DENND2B: variants seen among roughly 807,000 people sequenced by gnomAD.
DENND2B encodes the protein DENN domain containing 2B, also known as DENN domain-containing protein 2B.
A neutral mutation model predicts 116.0 loss-of-function variants in DENND2B; 32 were observed. That is an observed-to-expected ratio of 0.28 (90% CI 0.21 to 0.37). The LOEUF (loss-of-function observed/expected upper bound fraction) is 0.37, where lower values mean the gene tolerates loss of function less well. Among genes scored for constraint, DENND2B ranks in the 10% least tolerant of loss-of-function variants. The probability of loss-of-function intolerance (pLI) is 1.00; values close to 1 mark genes in which losing one functional copy is unlikely to be tolerated. For missense variants in DENND2B, 1,276 were observed against 1,477.7 expected (o/e 0.86, Z 2.24); for synonymous variants, 588 against 583.9 (o/e 1.01, Z -0.10).
At chr11:8,699,081 C>T (rs994386160) in intron 15 of DENND2B, 107 bp from the exon 16 acceptor site, 3 of 1,548,634 alleles carry the variant, frequency 1.9e-6, no homozygotes, top group Non-Finnish European at 2.6e-6. Flanking sequence ...ACAGGAAGTA[C>T]TCCAGCCGGG....
intron 4 of DENND2B, among the ~76,000 whole-genome samples, chr11:8,834,795 C>G (rs889213555): frequency 3.9e-5 from 6 of 152,296 alleles, no homozygotes; most frequent in African/African-American, 1.4e-4. Flanking sequence ...AGGTTGAAGA[C>G]AGTTTTCCAC....
intron 5 of DENND2B, among the ~76,000 whole-genome samples, chr11:8,716,428 G>A (rs2044803299): frequency 6.6e-6 from 1 of 152,126 alleles, no homozygotes; most frequent in East Asian, 1.9e-4. Context: ...CTCCATATGC[G>A]CTGACCTCTC....
At chr11:8,870,377 A>G (rs1317662914) in intron 2 of DENND2B, among the ~76,000 whole-genome samples, 1 of 152,192 alleles carries the variant, frequency 6.6e-6, no homozygotes, top group Non-Finnish European at 1.5e-5. Flanking sequence ...TTTAATACTT[A>G]GTGCGTGTCT....
chr11:8,707,350 G>T lies in DENND2B; in HGVS notation c.2431-125C>A. 1.5e-6 allele frequency: 2 copies of T among 1,300,232 alleles called. No individual in the cohort carries two copies. The highest frequency in any genetic ancestry group is 2.1e-6 in the Non-Finnish European group (2 of 964,988). The allele number at this position is 1,300,232 out of a possible 1,614,324, so 80.5% of individuals were successfully genotyped here. ...CCCAGAAGCTGGGAGACGGGAAGGTGGTCTTGCCATGATCTGCACACTCTA... is the reference window on the plus strand; with the variant it reads ...CCCAGAAGCTGGGAGACGGGAAGGTTGTCTTGCCATGATCTGCACACTCTA... On this transcript the variant is annotated intron_variant, in intron 12 of 19. Transcript: ENST00000313726. The surrounding 1 kb of genome is among the most constrained non-coding windows in gnomAD (Gnocchi z 4.8).
At chr11:8,884,299 C>A (rs568066830) in intron 1 of DENND2B, among the ~76,000 whole-genome samples, 4 of 150,324 alleles carry the variant, frequency 2.7e-5, no homozygotes, top group Non-Finnish European at 5.9e-5. Flanking sequence ...AAAAAAAATC[C>A]TCTTCGGACT....
At chr11:8,729,874 CA>C in intron 3 of DENND2B, 75 bp downstream of exon 3, 1 of 1,545,528 alleles carries the variant, frequency 6.5e-7, no homozygotes, top group Non-Finnish European at 8.8e-7. Context: ...ACCCATCCTA[CA>C]ATCTGTGTTT....
rs2047961253 is a variant in DENND2B at position 8,730,617 on chromosome 11, G to A, written c.673C>T (p.Leu225Phe). The change falls in exon 3 of 20, where the codon CTC becomes TTC. Residue 225 changes from leucine to phenylalanine, a missense_variant. Physicochemically the swap from Leu to Phe is conservative, Grantham distance 22 (BLOSUM62 0). Coordinates refer to ENST00000313726, the MANE Select transcript of DENND2B (RefSeq NM_213618.2). The surrounding 1 kb of genome is among the most constrained non-coding windows in gnomAD (Gnocchi z 4.1). ...GAGAAGGTCCTGCTCATCCTCCGGA[G>A]GCCCTTGAAATCAAAGGTCTTTTCA... ...SSEKTFDFKGLRRMSRTFSEC... is the reference protein window; with the variant it reads ...SSEKTFDFKGFRRMSRTFSEC... 1 of 1,612,924 alleles carries A rather than the reference G, an allele frequency of 6.2e-7. No homozygotes were observed. The highest frequency in any genetic ancestry group is 1.3e-5 in the African/African-American group (1 of 74,934).
chr11:8,813,364 C>A (rs2061459834), upstream of DENND2B, among the ~76,000 whole-genome samples: 1 of 152,066 alleles, frequency 6.6e-6, no homozygotes, highest in African/African-American at 2.4e-5. Flanking sequence ...CCACCCAAGC[C>A]CCAGCTGAAG....
chr11:8,757,081 C>T, intron 1 of DENND2B: 1 of 456,282 alleles, frequency 2.2e-6, no homozygotes. Context: ...TCCAGACAAA[C>T]AGGCACAGTC....
rs1452742955 is a variant in DENND2B, at chr11:8,764,225, A to AAAAC, written c.-25-13501_-25-13500insGTTT. 2.0e-5 allele frequency among the ~76,000 whole-genome samples: 3 copies of AAAAC among 152,166 alleles called. 1 individual carries two copies. The highest frequency in any genetic ancestry group is 6.8e-3 in the Middle Eastern group (2 of 294). ...ATAGAGCGAGAATCAATCTCAAAAA[A>AAAAC]AAAACAAAAGAAAAGAAAAGAAAAA... is the stretch of plus-strand genomic sequence containing the variant. On this transcript the variant is annotated intron_variant, in intron 1 of 19. Coordinates refer to ENST00000313726, the MANE Select transcript of DENND2B (RefSeq NM_213618.2).
At chr11:8,767,365 G>T (rs998840640) in intron 1 of DENND2B, among the ~76,000 whole-genome samples, 1 of 152,178 alleles carries the variant, frequency 6.6e-6, no homozygotes, top group Non-Finnish European at 1.5e-5. Flanking sequence ...GGGATTAGAT[G>T]TGTTTTCTAG....
At chr11:8,776,153 C>CGT (rs1565923264) in intron 1 of DENND2B, 12 of 398,670 alleles carry the variant, frequency 3.0e-5, no homozygotes, top group Admixed American at 8.7e-5. Context: ...CGCGCACGCG[C>CGT]GCGCGCGCAC....
intron 2 of DENND2B, among the ~76,000 whole-genome samples, chr11:8,866,175 G>C (rs1404433417): frequency 6.6e-6 from 1 of 152,084 alleles, no homozygotes; most frequent in South Asian, 2.1e-4. Context: ...TAGCCAGGAT[G>C]GTCTCGACCT....
At chr11:8,811,667 CTCA>C (rs1040472593), upstream of DENND2B, 1 of 226,760 alleles carries the variant, frequency 4.4e-6, no homozygotes, top group African/African-American at 2.3e-5. Context: ...TTGTTTGATC[CTCA>C]TAACCTTTTG....
chr11:8,867,110 C>A (rs1345029039), intron 2 of DENND2B, among the ~76,000 whole-genome samples: 1 of 152,152 alleles, frequency 6.6e-6, no homozygotes, highest in Non-Finnish European at 1.5e-5. Context: ...TATTCCTTGG[C>A]CAAACAACCA....
chr11:8,711,084 C>A, intron 10 of DENND2B, 38 bp downstream of exon 10: 1 of 1,603,038 alleles, frequency 6.2e-7, no homozygotes, highest in South Asian at 1.1e-5. Flanking sequence ...GTAAAGAAGG[C>A]TATGCTCCTT....
intron 1 of DENND2B, among the ~76,000 whole-genome samples, chr11:8,801,635 C>T (rs190335913): frequency 2.4e-4 from 36 of 150,488 alleles, no homozygotes; most frequent in Admixed American, 2.0e-4. Context: ...CGAGATCGTG[C>T]CATTTCACTC....
intron 4 of DENND2B, among the ~76,000 whole-genome samples, chr11:8,719,377 TG>T (rs2133855397): frequency 6.6e-6 from 1 of 152,224 alleles, no homozygotes; most frequent in South Asian, 2.1e-4. Flanking sequence ...TAGACTGCAG[TG>T]GGAGCAATAT....
At chr11:8,715,439 A>G (rs1025075988) in intron 6 of DENND2B, 164 bp downstream of exon 6, 1 of 645,922 alleles carries the variant, frequency 1.5e-6, no homozygotes, top group Non-Finnish European at 2.7e-6. Flanking sequence ...AAGGGGAATT[A>G]ATCAGATGAA....
Sources: allele counts gnomAD v4.1 joint callset (sites outside exome capture counted in the v4.1 genomes callset), GRCh38; gene constraint gnomAD v4.1.1; non-coding constraint Gnocchi (gnomAD v3.1); transcripts MANE v1.5; gene names NCBI Gene and HGNC (gene_info 2026-07-23, HGNC 2026-07-21).